The following MATK variants were observed in gnomAD, a reference collection of about 807,000 sequenced individuals.
The protein encoded by MATK is megakaryocyte-associated tyrosine-protein kinase.
MATK carries 41 observed loss-of-function variants against 59.8 expected under a neutral mutation model. The observed-to-expected ratio is 0.69, with a 90% confidence interval of 0.53 to 0.89. The LOEUF (loss-of-function observed/expected upper bound fraction) is 0.89, where lower values mean the gene tolerates loss of function less well. MATK is among the 40% of genes least tolerant of loss of function. The pLI is 0.00. For missense variants in MATK, 593 were observed against 719.6 expected, an observed-to-expected ratio of 0.82 and a Z score of 2.01; for synonymous variants, 308 against 306.1, an observed-to-expected ratio of 1.01 and a Z score of -0.06.
At chr19:3,783,382 A>C in intron 6 of MATK, 163 bp from the exon 7 acceptor site, 1 of 645,354 alleles carries the variant, frequency 1.5e-6, no homozygotes, top group Non-Finnish European at 2.8e-6. Context: ...AAGGAGGGGG[A>C]GTCCTCTGGA....
At chr19:3,778,632 C>A in intron 12 of MATK, 37 bp from the exon 13 acceptor site, 1 of 1,573,940 alleles carries the variant, frequency 6.4e-7, no homozygotes. Context: ...AGGGACCCCT[C>A]AGGTTTTCTG....
At position 3,779,461 on chromosome 19, in the gene MATK, G is replaced by T. The variant is rs1280862230; in HGVS notation, c.928-10C>A. ...AGTTCACCAGGTTGCCCTGTTGGGG[G>T]TGGGAGATGGCCGCGGGATGTTGGG... On this transcript the variant is annotated splice_polypyrimidine_tract_variant and intron_variant, in intron 10 of 13. Transcript: ENST00000310132. 4 of 1,613,000 alleles carry T rather than the reference G, an allele frequency of 2.5e-6. No individual in the cohort carries two copies. The highest frequency in any genetic ancestry group is 1.3e-5 in the African/African-American group (1 of 75,064).
At position 3,779,092 on chromosome 19, in the gene MATK, G is replaced by A. The variant is rs1318653471; in HGVS notation, c.1097C>T (p.Ala366Val). Residue 366 changes from alanine (A) to valine (V), a missense_variant, in exon 12 of 14, where the codon GCC becomes GTC. By Grantham distance (64) the Ala-to-Val change is moderately conservative. Transcript: ENST00000310132. Reference protein sequence around the residue: ...RNILVSEDLVAKVSDFGLAKA... With the variant: ...RNILVSEDLVVKVSDFGLAKA... ...GGCCAGGCCAAAGTCGCTGACCTTG[G>A]CCACCAGGTCCTCTGAGACCAGGAT... The A allele has an allele frequency of 2.5e-6, 4 of 1,609,844 alleles. No individual in the cohort carries two copies. The African/African-American group carries it at 5.3e-5, about 21-fold the overall frequency.
chr19:3,793,572 G>T (rs996564040), intron 1 of MATK, among the ~76,000 whole-genome samples: 3 of 152,018 alleles, frequency 2.0e-5, no homozygotes, highest in South Asian at 4.1e-4. Context: ...TGTGGTGGCG[G>T]GTGCCTGTAG....
chr19:3,781,458 G>A, intron 8 of MATK, 149 bp downstream of exon 8: 2 of 790,948 alleles, frequency 2.5e-6, no homozygotes, highest in East Asian at 2.6e-5. Context: ...GTTCCAGAGG[G>A]GGAAACTGAG....
intron 1 of MATK, among the ~76,000 whole-genome samples, chr19:3,795,930 T>C (rs1380524772): frequency 6.6e-6 from 1 of 151,614 alleles, no homozygotes. Flanking sequence ...CCTGGCTAAT[T>C]TTTGTATTTT....
intron 11 of MATK, 70 bp from the exon 12 acceptor site, chr19:3,779,257 G>T: frequency 6.5e-7 from 1 of 1,544,138 alleles, no homozygotes; most frequent in South Asian, 1.2e-5. Context: ...GAAAGCTCGG[G>T]GTGCCTGGGG....
chr19:3,778,307 C>T lies in MATK; in HGVS notation c.1400G>A (p.Arg467His), dbSNP rs576533347. 47 of 1,574,440 alleles carry T rather than the reference C, an allele frequency of 3.0e-5. No homozygotes were observed. Among genetic ancestry groups the T allele is most frequent in the Middle Eastern group, 3.4e-4 (2 of 5,884 alleles). The change falls in exon 14 of 14, where the codon CGC becomes CAC. Residue 467 changes from arginine to histidine, a missense_variant. Physicochemically the swap from Arg to His is conservative, Grantham distance 29. Coordinates refer to ENST00000310132, the MANE Select transcript of MATK (RefSeq NM_139355.3). ...GGCCAGTTTGCGGAAGGGTGGCCGGCGGGCGGGCTCTGCCTCCCAGCAGCT... is the reference window on the plus strand; with the variant it reads ...GGCCAGTTTGCGGAAGGGTGGCCGGTGGGCGGGCTCTGCCTCCCAGCAGCT... ...MSSCWEAEPARRPPFRKLAEK... is the reference protein window; with the variant it reads ...MSSCWEAEPAHRPPFRKLAEK...
chr19:3,793,811 A>G (rs892773152), intron 1 of MATK, among the ~76,000 whole-genome samples: 7 of 152,168 alleles, frequency 4.6e-5, no homozygotes, highest in Middle Eastern at 3.4e-3. Flanking sequence ...GGAGGTTGCA[A>G]TGAGCTGAGA....
At position 3,779,664 on chromosome 19, in the gene MATK, G is replaced by A. The variant is rs571185828; in HGVS notation, c.842+34C>T. ...TGAGGGCAGGGCTGGGACCCCCCCC[G>A]TCCCACGGTCCCCAGCCCCACCCTG... On this transcript the variant is annotated intron_variant, in intron 9 of 13. Coordinates refer to ENST00000310132, the MANE Select transcript of MATK (RefSeq NM_139355.3). 1.1e-4 allele frequency: 173 copies of A among 1,602,106 alleles called. 2 individuals carry two copies. In the South Asian group the frequency reaches 1.4e-3, roughly 13 times the overall value.
chr19:3,783,496 T>C (rs1173117550), intron 6 of MATK, among the ~76,000 whole-genome samples: 1 of 151,924 alleles, frequency 6.6e-6, no homozygotes, highest in East Asian at 1.9e-4. Flanking sequence ...GGGCAGTCCA[T>C]AGGGATCAGC....
intron 1 of MATK, among the ~76,000 whole-genome samples, chr19:3,796,536 T>C (rs1223952449): frequency 6.6e-6 from 1 of 152,192 alleles, no homozygotes; most frequent in Non-Finnish European, 1.5e-5. Context: ...AACATTATTT[T>C]CTGGGACCTG....
chr19:3,801,286 C>T (rs1267510564), intron 1 of MATK, among the ~76,000 whole-genome samples: 2 of 152,116 alleles, frequency 1.3e-5, no homozygotes, highest in African/African-American at 2.4e-5. Context: ...GGAGGCATCC[C>T]GGGACAAGAC....
intron 1 of MATK, among the ~76,000 whole-genome samples, chr19:3,797,086 T>G (rs2037602115): frequency 6.6e-6 from 1 of 152,110 alleles, no homozygotes; most frequent in African/African-American, 2.4e-5. Context: ...GGTGGGCTCT[T>G]TCCTGTGTTC....
chr19:3,798,687 T>G (rs527278999), intron 1 of MATK, among the ~76,000 whole-genome samples: 1 of 151,868 alleles, frequency 6.6e-6, no homozygotes, highest in Non-Finnish European at 1.5e-5. Flanking sequence ...ATTTTTTTTT[T>G]TTTTGGTAGA....
intron 1 of MATK, among the ~76,000 whole-genome samples, chr19:3,791,481 T>A (rs1216303879): frequency 6.6e-6 from 1 of 152,040 alleles, no homozygotes; most frequent in African/African-American, 2.4e-5. Flanking sequence ...TAGCTGGGAT[T>A]ACAGGTGCCC....
intron 1 of MATK, among the ~76,000 whole-genome samples, chr19:3,794,031 C>T (rs1444919864): frequency 2.0e-5 from 3 of 152,126 alleles, no homozygotes; most frequent in Non-Finnish European, 4.4e-5. Flanking sequence ...AGCCACAGGA[C>T]CTTTGCACAT....
At chr19:3,797,411 C>T (rs983308055) in intron 1 of MATK, among the ~76,000 whole-genome samples, 3 of 151,732 alleles carry the variant, frequency 2.0e-5, no homozygotes, top group Non-Finnish European at 4.4e-5. Context: ...ATCCTCCTGC[C>T]TCAGCCTCCC....
Position 3,785,252 on chromosome 19 carries a change from G to A in MATK, c.-117C>T. 6.4e-7 allele frequency: 1 copy of A among 1,564,382 alleles called. No individual in the cohort carries two copies. The highest frequency in any genetic ancestry group is 1.4e-5 in the African/African-American group (1 of 73,830). ...GGCTGGCACAGGAGGTAGGGAGCTG[G>A]GTGCCACTGGACCGAGCCTGGTTCT... On this transcript the variant is annotated 5_prime_UTR_variant, in exon 2 of 14. Transcript: ENST00000310132.
Sources: gnomAD v4.1 joint callset for allele counts (sites outside exome capture counted in the v4.1 genomes callset) on GRCh38, gnomAD v4.1.1 for gene constraint, MANE v1.5 for transcripts, NCBI Gene and HGNC (gene_info 2026-07-23, HGNC 2026-07-21) for gene names.